SYNGR1: variants seen among roughly 807,000 people sequenced by gnomAD.
The protein encoded by SYNGR1 is synaptogyrin 1.
A neutral mutation model predicts 26.1 loss-of-function variants in SYNGR1; 14 were observed. That is an observed-to-expected ratio of 0.54 (90% CI 0.35 to 0.84). SYNGR1 has a LOEUF of 0.84. Ranked by LOEUF, SYNGR1 falls within the 40% of genes least tolerant of loss-of-function variation. SYNGR1 has a pLI of 0.01. For missense variants in SYNGR1, 319 were observed against 332.9 expected (o/e 0.96, Z 0.33); for synonymous variants, 141 against 150.1 (o/e 0.94, Z 0.44).
intron 1 of SYNGR1, among the ~76,000 whole-genome samples, chr22:39,367,643 C>A (rs182468511): frequency 0.03 from 4,510 of 152,044 alleles, 221 homozygotes; most frequent in African/African-American, 0.1. Context: ...GCCAACATGG[C>A]ACAACCCCGT....
chr22:39,368,839 C>T (rs1303508216), intron 1 of SYNGR1, among the ~76,000 whole-genome samples: 3 of 152,182 alleles, frequency 2.0e-5, no homozygotes, highest in Admixed American at 6.5e-5. Context: ...AGTAAGTGTT[C>T]GAGAGGGGCC....
chr22:39,376,688 C>T (rs1470927327), intron 3 of SYNGR1, among the ~76,000 whole-genome samples: 5 of 152,128 alleles, frequency 3.3e-5, no homozygotes, highest in South Asian at 2.1e-4. Context: ...ACACAGGTGT[C>T]GACATCAGAT....
chr22:39,369,853 A>T (rs1200194066), intron 1 of SYNGR1, among the ~76,000 whole-genome samples: 1 of 152,164 alleles, frequency 6.6e-6, no homozygotes, highest in Non-Finnish European at 1.5e-5. Context: ...CTCACGGGCC[A>T]CCACTGCCCA....
At chr22:39,378,820 G>A (rs1601667829) in intron 3 of SYNGR1, among the ~76,000 whole-genome samples, 1 of 152,170 alleles carries the variant, frequency 6.6e-6, no homozygotes, top group South Asian at 2.1e-4. Context: ...GCCAGCGGGG[G>A]CCCAGGCCTC....
At chr22:39,351,590 T>A (rs919517665) in intron 1 of SYNGR1, among the ~76,000 whole-genome samples, 2 of 152,262 alleles carry the variant, frequency 1.3e-5, no homozygotes, top group African/African-American at 2.4e-5. Context: ...GCGGGTGGGC[T>A]GCGTTCACTG....
intron 1 of SYNGR1, chr22:39,364,042 T>G (rs1924615403): frequency 1.3e-5 from 17 of 1,305,984 alleles, no homozygotes; most frequent in Admixed American, 4.1e-5. Context: ...GCCCTGAGCC[T>G]TCGTTAGCCG....
At chr22:39,371,385 A>G (rs58799742) in intron 1 of SYNGR1, among the ~76,000 whole-genome samples, 9,105 of 151,534 alleles carry the variant, frequency 0.06, 770 homozygotes, top group African/African-American at 0.19. Flanking sequence ...CTGAGGCAGG[A>G]GAATCGCTTG....
intron 1 of SYNGR1, among the ~76,000 whole-genome samples, chr22:39,358,707 C>T (rs1307984930): frequency 6.6e-6 from 1 of 152,078 alleles, no homozygotes; most frequent in East Asian, 1.9e-4. Flanking sequence ...GACGCACCAC[C>T]TTAAGAGCTG....
chr22:39,381,263 G>A (rs1925489632), intron 3 of SYNGR1, among the ~76,000 whole-genome samples: 2 of 152,200 alleles, frequency 1.3e-5, no homozygotes, highest in Non-Finnish European at 2.9e-5. Context: ...CCAAAACGTA[G>A]TCACATGGCC....
At chr22:39,364,104 G>A in intron 1 of SYNGR1, 1 of 1,603,694 alleles carries the variant, frequency 6.2e-7, no homozygotes, top group Non-Finnish European at 8.5e-7. Flanking sequence ...CTGCAGAGGG[G>A]AGATACCATC....
chr22:39,369,073 G>C (rs773392288), intron 1 of SYNGR1, among the ~76,000 whole-genome samples: 1 of 152,180 alleles, frequency 6.6e-6, no homozygotes, highest in African/African-American at 2.4e-5. Flanking sequence ...TTGAATTGGC[G>C]GGTCTGTATG....
chr22:39,383,814 T>G lies in SYNGR1; in HGVS notation c.*1900T>G, dbSNP rs1338017752. 2 of 152,186 alleles carry G rather than the reference T, an allele frequency of 1.3e-5. No homozygotes were observed. The highest frequency in any genetic ancestry group is 4.8e-5 in the African/African-American group (2 of 41,428). 9.4% of individuals were successfully genotyped at this position (152,186 alleles called of 1,614,324 possible). A position where few individuals can be genotyped will look rare whatever the true frequency, so the allele number is the denominator to read the frequency against. On this transcript the variant is annotated 3_prime_UTR_variant, in exon 4 of 4. Transcript: ENST00000328933. The stretch of plus-strand genomic sequence containing the variant: ...AGAGAAGTAGCACCATTATCCCCAT[T>G]TAACAGAAGGGAAACTGAGGCTCGG...
chr22:39,362,504 A>G (rs5757636), intron 1 of SYNGR1, among the ~76,000 whole-genome samples: 134,229 of 151,786 alleles, frequency 0.88, 59,409 homozygotes, highest in East Asian at 0.99. Context: ...GGGGCTGCCC[A>G]ACACCCATCA....
chr22:39,377,783 G>A, intron 3 of SYNGR1: 1 of 1,550,010 alleles, frequency 6.5e-7, no homozygotes, highest in Non-Finnish European at 8.7e-7. Flanking sequence ...CAAGATGCCA[G>A]GGCATGCAGG....
chr22:39,363,258 G>A (rs1321531262), intron 1 of SYNGR1, among the ~76,000 whole-genome samples: 2 of 151,798 alleles, frequency 1.3e-5, no homozygotes, highest in African/African-American at 2.4e-5. Context: ...GGGGGCGGTG[G>A]GTGAGCATCA....
rs1925333608 is a variant in SYNGR1, at chr22:39,377,428, T to C, written c.483+1231T>C. On this transcript the variant is annotated intron_variant, in intron 3 of 3. Coordinates refer to ENST00000328933, the MANE Select transcript of SYNGR1 (RefSeq NM_004711.5). ...CCCCAGAAGTGGGGACCACCCAGCC[T>C]ACAGGGAGGAGTTTAGGGGCGGGGC... 6.1e-6 allele frequency: 6 copies of C among 985,224 alleles called. No homozygotes were observed. In the South Asian group the frequency reaches 2.8e-4, roughly 46 times the overall value. The allele number at this position is 985,224 out of a possible 1,614,324, so 61.0% of individuals were successfully genotyped here.
intron 1 of SYNGR1, among the ~76,000 whole-genome samples, chr22:39,373,123 T>A (rs1925104804): frequency 6.6e-6 from 1 of 151,116 alleles, no homozygotes. Context: ...GTGTCTATTG[T>A]TATTTTCTAT....
At chr22:39,372,196 A>G (rs1925056920) in intron 1 of SYNGR1, among the ~76,000 whole-genome samples, 1 of 124,486 alleles carries the variant, frequency 8.0e-6, no homozygotes, top group African/African-American at 3.1e-5. Context: ...AGTGGGGTTG[A>G]TCTTGGCACA....
At chr22:39,380,954 T>C (rs1925479660) in intron 3 of SYNGR1, among the ~76,000 whole-genome samples, 1 of 152,036 alleles carries the variant, frequency 6.6e-6, no homozygotes, top group African/African-American at 2.4e-5. Flanking sequence ...CAGATTGTTA[T>C]TGTGCCTGCT....
Sources: allele counts gnomAD v4.1 joint callset (sites outside exome capture counted in the v4.1 genomes callset), GRCh38; gene constraint gnomAD v4.1.1; transcripts MANE v1.5; gene names NCBI Gene and HGNC (gene_info 2026-07-23, HGNC 2026-07-21).